The following CYP24A1 variants were observed in gnomAD, a reference collection of about 807,000 sequenced individuals.
CYP24A1 encodes the protein cytochrome P450 family 24 subfamily A member 1, also known as 1,25-dihydroxyvitamin D(3) 24-hydroxylase, mitochondrial.
A neutral mutation model predicts 62.4 loss-of-function variants in CYP24A1; 68 were observed. The ratio of observed to expected loss-of-function variants is 1.09; its 90% CI spans 0.90 to 1.33. CYP24A1 has a LOEUF of 1.33. Among genes scored for constraint, CYP24A1 ranks in the 40% most tolerant of loss-of-function variants. The pLI is 0.00. For synonymous variants in CYP24A1, 267 were observed against 253.0 expected (o/e 1.06, Z -0.52); for missense variants, 787 against 653.0 (o/e 1.21, Z -2.24).
the CYP24A1 span, among the ~76,000 whole-genome samples, chr20:54,144,238 G>C: frequency 1.4e-5 from 2 of 147,876 alleles, no homozygotes; most frequent in Non-Finnish European, 3.0e-5. Flanking sequence ...TTTAGACAAG[G>C]TCTCACTCTT....
At chr20:54,165,377 G>A (rs1178658629) in intron 5 of CYP24A1, among the ~76,000 whole-genome samples, 1 of 152,198 alleles carries the variant, frequency 6.6e-6, no homozygotes, top group African/African-American at 2.4e-5. Context: ...CTTTCGTGTT[G>A]CACGAAAACA....
intron 8 of CYP24A1, among the ~76,000 whole-genome samples, chr20:54,158,606 G>A (rs961489973): frequency 1.3e-5 from 2 of 152,180 alleles, no homozygotes; most frequent in East Asian, 1.9e-4. Flanking sequence ...AGGCTCAAAA[G>A]CAAAGCTTTC....
chr20:54,173,374 C>A lies in CYP24A1; in HGVS notation c.206G>T (p.Ser69Ile). 1 of 1,600,854 alleles carries A rather than the reference C, an allele frequency of 6.2e-7. No individual in the cohort carries two copies. Among genetic ancestry groups the A allele is most frequent in the Non-Finnish European group, 8.5e-7 (1 of 1,172,778 alleles). Residue 69 changes from serine to isoleucine, a missense_variant, in exon 1 of 12, where the codon AGC (serine) becomes ATC (isoleucine). Ser to Ile is a moderately radical substitution (Grantham distance 142). Coordinates refer to ENST00000216862, the MANE Select transcript of CYP24A1 (RefSeq NM_000782.5). The surrounding 1 kb of genome is among the most constrained non-coding windows in gnomAD (Gnocchi z 7.2). ...CCCTTTCCAGAGAATCTGCAGCAGG[C>A]TGCCCAGCAGTGGCCAGCTGGTGGG... ...PGPTSWPLLG[S>I]LLQILWKGGL...
chr20:54,173,349 C>T lies in CYP24A1; in HGVS notation c.231G>A (p.Gly77=). The T allele has an allele frequency of 6.2e-7, 1 of 1,607,442 alleles. No individual in the cohort carries two copies. The highest frequency in any genetic ancestry group is 8.5e-7 in the Non-Finnish European group (1 of 1,176,390). ...GGGTGTCGTGCTGTTTCTTGAGACCCCCTTTCCAGAGAATCTGCAGCAGGC... is the reference window on the plus strand; with the variant it reads ...GGGTGTCGTGCTGTTTCTTGAGACCTCCTTTCCAGAGAATCTGCAGCAGGC... ...LGSLLQILWK[G]GLKKQHDTLV... Residue 77 remains glycine (G), a synonymous_variant, in exon 1 of 12, where the codon GGG becomes GGA. Transcript: ENST00000216862. This position sits in a 1 kb window ranked among gnomAD's most constrained non-coding sequence, Gnocchi z 7.2.
intron 4 of CYP24A1, among the ~76,000 whole-genome samples, chr20:54,168,468 A>G (rs2092680277): frequency 6.6e-6 from 1 of 151,830 alleles, no homozygotes. Context: ...GTTCATCGTG[A>G]TCCACTCACA....
intron 5 of CYP24A1, 99 bp from the exon 6 acceptor site, chr20:54,164,662 C>A: frequency 6.2e-7 from 1 of 1,601,018 alleles, no homozygotes; most frequent in Non-Finnish European, 8.5e-7. Context: ...GCACCCTGCA[C>A]TTTTTAAAAG....
At position 54,173,846 on chromosome 20, in the gene CYP24A1, G is replaced by A. The variant is rs2092704294; in HGVS notation, c.-267C>T. 5 of 554,456 alleles carry A rather than the reference G, an allele frequency of 9.0e-6. No individual in the cohort carries two copies. Among genetic ancestry groups the A allele is most frequent in the Non-Finnish European group, 1.6e-5 (5 of 310,678 alleles). 34.3% of individuals were successfully genotyped at this position (554,456 alleles called of 1,614,324 possible). Reference sequence around the variant, plus strand: ...TGGAAGAGGGTGGCCGGTGTCTGGGGACCTCTTGAAAAGGGAAAGCTGGGA... The same window carrying A: ...TGGAAGAGGGTGGCCGGTGTCTGGGAACCTCTTGAAAAGGGAAAGCTGGGA... On this transcript the variant is annotated 5_prime_UTR_variant, in exon 1 of 12. Transcript: ENST00000216862. This position sits in a 1 kb window ranked among gnomAD's most constrained non-coding sequence, Gnocchi z 7.2.
intron 7 of CYP24A1, among the ~76,000 whole-genome samples, chr20:54,161,783 G>A (rs2092651282): frequency 6.6e-6 from 1 of 152,128 alleles, no homozygotes. Flanking sequence ...ACTTTCAACC[G>A]CCTTGTGGAG....
chr20:54,165,960 C>G, intron 4 of CYP24A1, 127 bp from the exon 5 acceptor site: 1 of 737,104 alleles, frequency 1.4e-6, no homozygotes, highest in South Asian at 1.5e-5. Context: ...GAAAAGGCAA[C>G]AGTCCAAGAA....
At chr20:54,157,021 G>T (rs1287637971) in intron 11 of CYP24A1, 148 bp downstream of exon 11, 9 of 613,844 alleles carry the variant, frequency 1.5e-5, no homozygotes, top group Non-Finnish European at 2.6e-5. Flanking sequence ...AAAAAAGGAA[G>T]TAGAGAGTTT....
At position 54,153,819 on chromosome 20, in the gene CYP24A1, A is replaced by C. The variant is rs939841920; in HGVS notation, c.*953T>G. On this transcript the variant is annotated 3_prime_UTR_variant, in exon 12 of 12. Transcript: ENST00000216862. ...TATTTTTCCTAGGAGTTCAAATCAC[A>C]AAACAAATGTTATATAACAGATCTC... is the stretch of plus-strand genomic sequence containing the variant. 1.3e-5 allele frequency: 2 copies of C among 152,680 alleles called. No individual in the cohort carries two copies. Among genetic ancestry groups the C allele is most frequent in the African/African-American group, 4.8e-5 (2 of 41,478 alleles). The allele number at this position is 152,680 out of a possible 1,614,324, so 9.5% of individuals were successfully genotyped here. A position where few individuals can be genotyped will look rare whatever the true frequency, so the allele number is the denominator to read the frequency against.
chr20:54,159,200 T>A, intron 7 of CYP24A1, 77 bp from the exon 8 acceptor site: 2 of 1,115,026 alleles, frequency 1.8e-6, no homozygotes, highest in East Asian at 2.4e-5. Flanking sequence ...AAAAAGGTGA[T>A]GCCCACCACC....
chr20:54,167,249 C>G (rs150868972), intron 4 of CYP24A1, among the ~76,000 whole-genome samples: 282 of 152,318 alleles, frequency 1.9e-3, no homozygotes, highest in African/African-American at 6.6e-3. Flanking sequence ...TTCTTCCCAG[C>G]CTTTCAAGGT....
Position 54,157,278 on chromosome 20 carries a change from T to C in CYP24A1, c.1446A>G (p.Lys482=), listed in dbSNP as rs770923423. The stretch of plus-strand genomic sequence containing the variant: ...CATTGTCTGTGGCCTGGATGTCGTA[T>C]TTGCGGACAATCTGTAATGCACACG... The part of the protein sequence containing the change: ...LHLALCWIVR[K]YDIQATDNEP... Residue 482 remains lysine (K), a synonymous_variant, in exon 11 of 12, where the codon AAA becomes AAG. Coordinates refer to ENST00000216862, the MANE Select transcript of CYP24A1 (RefSeq NM_000782.5). 6.2e-6 allele frequency: 10 copies of C among 1,607,956 alleles called. No homozygotes were observed. The Admixed American group carries it at 6.7e-5, about 11-fold the overall frequency.
chr20:54,162,932 C>T, intron 6 of CYP24A1, 70 bp from the exon 7 acceptor site: 1 of 892,966 alleles, frequency 1.1e-6, no homozygotes, highest in South Asian at 1.3e-5. Context: ...AGAAGAAAAC[C>T]TCAGTCCAAA....
Position 54,169,721 on chromosome 20 carries a change from TAAAGCCGTTGAAGGA to T in CYP24A1, c.544-48_544-34del, listed in dbSNP as rs749705761. 4.0e-5 allele frequency: 65 copies of T among 1,613,404 alleles called. 1 individual carries two copies. Among genetic ancestry groups the T allele is most frequent in the Non-Finnish European group, 5.3e-5 (63 of 1,179,842 alleles). ...GAAAACAACCGCAAAAGACACATTT[TAAAGCCGTTGAAGGA>T]AAACAAAACTTTAAAGCTCACTGAG... On this transcript the variant is annotated intron_variant, in intron 3 of 11. Transcript: ENST00000216862.
chr20:54,162,222 T>TTTG (rs1195285763), intron 7 of CYP24A1, among the ~76,000 whole-genome samples: 572 of 20,598 alleles, frequency 0.028, 51 homozygotes, highest in East Asian at 0.13. Context: ...GAGTATGCCT[T>TTTG]TTTTTTTTTT....
intron 4 of CYP24A1, among the ~76,000 whole-genome samples, chr20:54,168,684 CTTTTCTTCTTTA>C (rs1490650462): frequency 2.6e-5 from 4 of 152,196 alleles, no homozygotes; most frequent in Non-Finnish European, 5.9e-5. Flanking sequence ...CTCTCTCTCT[CTTTTCTTCTTTA>C]TTTCTTTTCT....
chr20:54,148,375 C>CACACAG, the CYP24A1 span, among the ~76,000 whole-genome samples: 1 of 141,938 alleles, frequency 7.0e-6, no homozygotes, highest in Non-Finnish European at 1.5e-5. Flanking sequence ...CACAGACACA[C>CACACAG]ACACACACAC....
Sources: allele counts gnomAD v4.1 joint callset (sites outside exome capture counted in the v4.1 genomes callset), GRCh38; gene constraint gnomAD v4.1.1; non-coding constraint Gnocchi (gnomAD v3.1); transcripts MANE v1.5; gene names NCBI Gene and HGNC (gene_info 2026-07-23, HGNC 2026-07-21).